RGS9: variants seen among roughly 807,000 people sequenced by gnomAD.
RGS9 encodes the protein regulator of G-protein signalling 9.
In RGS9, 78 loss-of-function variants were observed where a neutral mutation model predicts 102.0. The ratio of observed to expected loss-of-function variants is 0.76; its 90% confidence interval spans 0.64 to 0.92. RGS9 has a LOEUF of 0.92. RGS9 is among the 40% of genes least tolerant of loss of function. The pLI is 0.00. For synonymous variants in RGS9, 353 were observed against 318.6 expected, an observed-to-expected ratio of 1.11 and a Z score of -1.15; for missense variants, 833 against 866.1, an observed-to-expected ratio of 0.96 and a Z score of 0.48.
At chr17:65,139,772 C>G (rs149271338) in intron 1 of RGS9, among the ~76,000 whole-genome samples, 10 of 152,354 alleles carry the variant, frequency 6.6e-5, no homozygotes, top group African/African-American at 2.2e-4. Context: ...CTTGTGCTGG[C>G]AAGGGCCCTG....
intron 7 of RGS9, among the ~76,000 whole-genome samples, chr17:65,164,958 T>C (rs1911121751): frequency 6.6e-6 from 1 of 152,216 alleles, no homozygotes; most frequent in Non-Finnish European, 1.5e-5. Context: ...ATTACTTAGC[T>C]GAAGTCACTT....
intron 17 of RGS9, among the ~76,000 whole-genome samples, chr17:65,218,379 T>C (rs1913587519): frequency 6.6e-6 from 1 of 152,234 alleles, no homozygotes; most frequent in Admixed American, 6.5e-5. Context: ...GGGTTGATCC[T>C]TAAACATCGC....
At chr17:65,210,147 C>T (rs1913233567) in intron 16 of RGS9, among the ~76,000 whole-genome samples, 1 of 152,184 alleles carries the variant, frequency 6.6e-6, no homozygotes, top group Non-Finnish European at 1.5e-5. Flanking sequence ...TCTCCAGTAC[C>T]CAAGCCTTCA....
chr17:65,167,691 AG>A (rs1321639793), intron 7 of RGS9, among the ~76,000 whole-genome samples: 1 of 152,200 alleles, frequency 6.6e-6, no homozygotes, highest in East Asian at 1.9e-4. Flanking sequence ...TTGCCCAAAC[AG>A]GGAAAAGTTA....
At chr17:65,159,108 C>G (rs1910881957) in intron 3 of RGS9, among the ~76,000 whole-genome samples, 1 of 152,176 alleles carries the variant, frequency 6.6e-6, no homozygotes, top group African/African-American at 2.4e-5. Flanking sequence ...ATTCCTTCTC[C>G]TGGCTCATCC....
At chr17:65,223,598 G>A (rs761616394) in intron 17 of RGS9, among the ~76,000 whole-genome samples, 9 of 152,218 alleles carry the variant, frequency 5.9e-5, no homozygotes, top group Non-Finnish European at 1.0e-4. Flanking sequence ...CCTTCAGCCC[G>A]GGGGCAGTGC....
At chr17:65,195,567 C>T (rs1353537193) in intron 12 of RGS9, among the ~76,000 whole-genome samples, 1 of 152,158 alleles carries the variant, frequency 6.6e-6, no homozygotes, top group African/African-American at 2.4e-5. Context: ...CCCTCACTCC[C>T]TTTTCACCCC....
Position 65,143,365 on chromosome 17 carries a change from C to T in RGS9, c.57+5768C>T, listed in dbSNP as rs549866282. 5.3e-5 allele frequency among the ~76,000 whole-genome samples: 8 copies of T among 152,210 alleles called. No individual in the cohort carries two copies. The South Asian group carries it at 1.7e-3, about 32-fold the overall frequency. On this transcript the variant is annotated intron_variant, in intron 1 of 18. Transcript: ENST00000262406. Reference sequence around the variant, plus strand: ...CAGCTCAAAGGCAGAACCTGATAGTCCAGGAAGGGGGTTAGAAGATGTTCC... The same window carrying T: ...CAGCTCAAAGGCAGAACCTGATAGTTCAGGAAGGGGGTTAGAAGATGTTCC...
At chr17:65,222,260 C>T (rs1913728086) in intron 17 of RGS9, among the ~76,000 whole-genome samples, 1 of 152,218 alleles carries the variant, frequency 6.6e-6, no homozygotes, top group Non-Finnish European at 1.5e-5. Flanking sequence ...TGCCAAGCTT[C>T]CGATCTCTCT....
rs1343399115 is a variant in RGS9, at chr17:65,160,346, C to A, written c.312+7C>A. On this transcript the variant is annotated splice_region_variant and intron_variant, in intron 4 of 18. Coordinates refer to ENST00000262406, the MANE Select transcript of RGS9 (RefSeq NM_003835.4). Reference sequence around the variant, plus strand: ...CAGCCTCTACAGATTTCAGGTGAGTCTTGGCCTTGACCCTGGCTGTTCATA... The same window carrying A: ...CAGCCTCTACAGATTTCAGGTGAGTATTGGCCTTGACCCTGGCTGTTCATA... 10 of 1,608,466 alleles carry A rather than the reference C, an allele frequency of 6.2e-6. No homozygotes were observed. Among genetic ancestry groups the A allele is most frequent in the African/African-American group, 2.7e-5 (2 of 74,820 alleles).
chr17:65,227,569 T>C lies in RGS9; in HGVS notation c.*162T>C, dbSNP rs1020096454. Reference sequence around the variant, plus strand: ...GGGTAGATTGTGGCAAAGAATGCTCTGGCTGGTTACCAGGGGCCAACTCCT... The same window carrying C: ...GGGTAGATTGTGGCAAAGAATGCTCCGGCTGGTTACCAGGGGCCAACTCCT... On this transcript the variant is annotated 3_prime_UTR_variant, in exon 19 of 19. Coordinates refer to ENST00000262406, the MANE Select transcript of RGS9 (RefSeq NM_003835.4). 6.9e-6 allele frequency: 7 copies of C among 1,019,758 alleles called. No individual in the cohort carries two copies. In the African/African-American group the frequency reaches 1.1e-4, roughly 16 times the overall value. 63.2% of individuals were successfully genotyped at this position (1,019,758 alleles called of 1,614,324 possible). A position where few individuals can be genotyped will look rare whatever the true frequency, so the allele number is the denominator to read the frequency against.
At chr17:65,140,524 C>T (rs916524820) in intron 1 of RGS9, among the ~76,000 whole-genome samples, 38 of 152,098 alleles carry the variant, frequency 2.5e-4, no homozygotes, top group African/African-American at 5.6e-4. Flanking sequence ...TTATCTCATA[C>T]GGAGCCACTA....
At chr17:65,188,104 C>T (rs899254118) in intron 9 of RGS9, among the ~76,000 whole-genome samples, 5 of 151,984 alleles carry the variant, frequency 3.3e-5, no homozygotes, top group African/African-American at 7.3e-5. Flanking sequence ...AGAACTGAGG[C>T]TGGGATCACC....
In RGS9 at chr17:65,145,476, C is replaced by T. The variant is rs150163316; in HGVS notation, c.57+7879C>T. On this transcript the variant is annotated intron_variant, in intron 1 of 18. Transcript: ENST00000262406. ...TGATATCGTCTCAGTGCAACCTCTG[C>T]CTCCCGGGTTCAAGCGATTCTCCTG... Among the ~76,000 whole-genome samples, 304 of 152,118 alleles carry T rather than the reference C, an allele frequency of 2.0e-3. 6 individuals carry two copies. In the East Asian group the frequency reaches 0.051, roughly 26 times the overall value.
intron 12 of RGS9, among the ~76,000 whole-genome samples, chr17:65,195,123 C>A (rs944853420): frequency 6.6e-6 from 1 of 152,174 alleles, no homozygotes; most frequent in African/African-American, 2.4e-5. Context: ...TGCCTCCCAG[C>A]GTACTGAATG....
intron 11 of RGS9, among the ~76,000 whole-genome samples, chr17:65,190,730 C>A (rs976726899): frequency 1.3e-5 from 2 of 152,158 alleles, no homozygotes; most frequent in Non-Finnish European, 2.9e-5. Context: ...TGACCCAGCC[C>A]CCCATAGGAC....
At chr17:65,212,129 C>T (rs1913330291) in intron 17 of RGS9, among the ~76,000 whole-genome samples, 2 of 152,198 alleles carry the variant, frequency 1.3e-5, no homozygotes, top group Non-Finnish European at 2.9e-5. Flanking sequence ...CACAAGGCTT[C>T]ACATAGTCTC....
intron 17 of RGS9, among the ~76,000 whole-genome samples, chr17:65,215,228 A>G (rs1913445845): frequency 6.6e-6 from 1 of 152,072 alleles, no homozygotes; most frequent in South Asian, 2.1e-4. Flanking sequence ...AAGAAGAGAG[A>G]TGCTGGAGGC....
At chr17:65,204,664 G>A (rs1458137720) in intron 15 of RGS9, among the ~76,000 whole-genome samples, 5 of 152,330 alleles carry the variant, frequency 3.3e-5, no homozygotes, top group East Asian at 1.9e-4. Flanking sequence ...AGGAACTCCT[G>A]TAGAAGCTGT....
Sources: allele counts gnomAD v4.1 joint callset (sites outside exome capture counted in the v4.1 genomes callset), GRCh38; gene constraint gnomAD v4.1.1; transcripts MANE v1.5; gene names NCBI Gene and HGNC (gene_info 2026-07-23, HGNC 2026-07-21).